ZFHX3: variants seen among roughly 807,000 people sequenced by gnomAD.
ZFHX3 encodes the protein zinc finger homeobox 3.
In ZFHX3, 42 loss-of-function variants were observed where a neutral mutation model predicts 279.1. That is an observed-to-expected ratio of 0.15 (90% confidence interval 0.12 to 0.19). The LOEUF is 0.19. ZFHX3 is among the 10% of genes least tolerant of loss of function. The probability of loss-of-function intolerance (pLI) is 1.00; values close to 1 mark genes in which losing one functional copy is unlikely to be tolerated. For missense variants in ZFHX3, 4,981 were observed against 4,754.0 expected (o/e 1.05, Z -1.40); for synonymous variants, 2,293 against 1,957.8 (o/e 1.17, Z -4.52).
intron 4 of ZFHX3, among the ~76,000 whole-genome samples, chr16:73,276,332 C>T (rs1305169015): frequency 6.6e-6 from 1 of 151,908 alleles, no homozygotes; most frequent in African/African-American, 2.4e-5. Flanking sequence ...TACAGGTGCA[C>T]ATCACCAGAC....
rs550223535 is a variant in ZFHX3 at position 73,619,541 on chromosome 16, C to G, written c.-1547+60639G>C. ...ATATGTCTGTAAGCTATCAGCATTT[C>G]TTTCAATAGCATTGCCTTTTTTGAA... On this transcript the variant is annotated intron_variant, in intron 2 of 17. Coordinates refer to the ZFHX3 transcript ENST00000641206. 4.4e-4 allele frequency among the ~76,000 whole-genome samples: 65 copies of G among 148,326 alleles called. 1 individual carries two copies. In the South Asian group the frequency reaches 0.014, roughly 31 times the overall value.
In ZFHX3 at chr16:73,532,609, A is replaced by G. The variant is rs79663616; in HGVS notation, c.-1546-76351T>C. Among the ~76,000 whole-genome samples the G allele has an allele frequency of 1.8e-3, 267 of 152,044 alleles. 7 individuals carry two copies. In the East Asian group the frequency reaches 0.047, roughly 27 times the overall value. ...CTAAGCTGCCTGAATCTGAATCCTCACTCCCCACTTACTAGGAGTGTAGCC... is the reference window on the plus strand; with the variant it reads ...CTAAGCTGCCTGAATCTGAATCCTCGCTCCCCACTTACTAGGAGTGTAGCC... On this transcript the variant is annotated intron_variant, in intron 2 of 17. Coordinates refer to the ZFHX3 transcript ENST00000641206.
At position 73,628,633 on chromosome 16, in the gene ZFHX3, T is replaced by C. The variant is rs1203584069; in HGVS notation, c.-1547+51547A>G. On this transcript the variant is annotated intron_variant, in intron 2 of 17. Coordinates refer to the ZFHX3 transcript ENST00000641206. Reference sequence around the variant, plus strand: ...CTAGATTTGACTAAATTTGTAGCTTTAGAGAGCACTTGTGTCTCTTTTAAT... The same window carrying C: ...CTAGATTTGACTAAATTTGTAGCTTCAGAGAGCACTTGTGTCTCTTTTAAT... 2.6e-5 allele frequency among the ~76,000 whole-genome samples: 4 copies of C among 152,370 alleles called. No individual in the cohort carries two copies. The East Asian group carries it at 7.7e-4, about 29-fold the overall frequency.
At chr16:73,504,830 TGGAGGTGGTA>T (rs1159863336) in intron 2 of ZFHX3, 1 of 142,354 alleles carries the variant, frequency 7.0e-6, no homozygotes, top group Non-Finnish European at 1.5e-5. Context: ...CGGTGGGGAG[TGGAGGTGGTA>T]GGGGAAGAGG....
chr16:72,885,264 A>C (rs1278444671), intron 4 of ZFHX3, among the ~76,000 whole-genome samples: 5 of 152,262 alleles, frequency 3.3e-5, no homozygotes, highest in Non-Finnish European at 7.3e-5. Flanking sequence ...AACTATTAGC[A>C]CACAGCTGGC....
intron 7 of ZFHX3, among the ~76,000 whole-genome samples, chr16:72,800,769 CT>C (rs2036074761): frequency 6.6e-6 from 1 of 152,216 alleles, no homozygotes; most frequent in Non-Finnish European, 1.5e-5. Context: ...GCCACGATTT[CT>C]TCTGGAGTCT....
At chr16:73,092,373 C>G (rs910923831) in intron 8 of ZFHX3, 1 of 152,586 alleles carries the variant, frequency 6.6e-6, no homozygotes, top group African/African-American at 2.4e-5. Flanking sequence ...CTGGTGAGGC[C>G]CAGAGCCTCA....
chr16:73,019,916 T>TA (rs961491688), intron 1 of ZFHX3, among the ~76,000 whole-genome samples: 2 of 152,180 alleles, frequency 1.3e-5, no homozygotes, highest in African/African-American at 4.8e-5. Context: ...AACACGTTTT[T>TA]AAAAAATGTC....
At chr16:72,915,028 G>A (rs758283668) in intron 3 of ZFHX3, among the ~76,000 whole-genome samples, 1 of 151,984 alleles carries the variant, frequency 6.6e-6, no homozygotes, top group African/African-American at 2.4e-5. Flanking sequence ...AAAACACATA[G>A]GCTAACAAGT....
chr16:73,193,748 T>C (rs1030063626), intron 5 of ZFHX3, among the ~76,000 whole-genome samples: 2 of 152,178 alleles, frequency 1.3e-5, no homozygotes, highest in Admixed American at 1.3e-4. Flanking sequence ...ATTCTAACTC[T>C]GCCACTTTCC....
chr16:73,615,538 T>C (rs1337734945), intron 2 of ZFHX3, among the ~76,000 whole-genome samples: 2 of 152,238 alleles, frequency 1.3e-5, no homozygotes, highest in Non-Finnish European at 2.9e-5. Context: ...CCAGTGCAGC[T>C]GTGCACTGAA....
At position 72,787,500 on chromosome 16, in the gene ZFHX3, G is replaced by A. The variant is rs757719126; in HGVS notation, c.10776C>T (p.His3592=). The A allele has an allele frequency of 1.2e-6, 2 of 1,613,838 alleles. No homozygotes were observed. The highest frequency in any genetic ancestry group is 4.5e-5 in the East Asian group (2 of 44,862). ...STASTSQSAA[H]SNDSPPPPSA... ...ACGGGGGAGGGGGGCTGTCGTTTGA[G>A]TGAGCGGCAGACTGCGAGGTAGATG... Residue 3592 remains histidine, a synonymous_variant, in exon 10 of 10, where the codon CAC becomes CAT. Transcript: ENST00000268489.
At chr16:73,575,168 T>C (rs2051786831) in intron 2 of ZFHX3, among the ~76,000 whole-genome samples, 1 of 152,228 alleles carries the variant, frequency 6.6e-6, no homozygotes, top group Non-Finnish European at 1.5e-5. Context: ...TAACATATTA[T>C]GCATTAAATT....
intron 5 of ZFHX3, among the ~76,000 whole-genome samples, chr16:73,198,369 C>T (rs988465504): frequency 6.7e-6 from 1 of 149,626 alleles, no homozygotes; most frequent in Admixed American, 6.6e-5. Flanking sequence ...GAAGTTTAAC[C>T]CCATTGCTGG....
intron 4 of ZFHX3, among the ~76,000 whole-genome samples, chr16:72,833,879 G>T (rs776270901): frequency 1.3e-5 from 2 of 152,106 alleles, no homozygotes; most frequent in Non-Finnish European, 2.9e-5. Flanking sequence ...AGCAAATACT[G>T]GAAAACTGCA....
At chr16:73,116,033 T>C (rs1966428802) in intron 7 of ZFHX3, among the ~76,000 whole-genome samples, 1 of 151,490 alleles carries the variant, frequency 6.6e-6, no homozygotes, top group African/African-American at 2.4e-5. Context: ...GGCAGGGGAA[T>C]CACTTGAACC....
chr16:73,122,607 T>C (rs1966513648), intron 7 of ZFHX3, among the ~76,000 whole-genome samples: 1 of 152,152 alleles, frequency 6.6e-6, no homozygotes, highest in Non-Finnish European at 1.5e-5. Context: ...AGTGACCAAC[T>C]TGGGGGGCCA....
At chr16:72,882,172 C>CT (rs11298791) in intron 4 of ZFHX3, among the ~76,000 whole-genome samples, 1,742 of 103,778 alleles carry the variant, frequency 0.017, 20 homozygotes, top group Middle Eastern at 0.044. Flanking sequence ...CCCCTTTTTC[C>CT]TTTTTTTTTT....
rs531378750 is a variant in ZFHX3, at chr16:73,868,111, G to A, written c.-1608+23540C>T. Reference sequence around the variant, plus strand: ...CTTCTTTTCCTCCCAATAAATCCCCGTTCGTTAAATAGCCCAGAGTTCATT... The same window carrying A: ...CTTCTTTTCCTCCCAATAAATCCCCATTCGTTAAATAGCCCAGAGTTCATT... On this transcript the variant is annotated intron_variant, in intron 1 of 17. Transcript: ENST00000641206. 2.0e-3 allele frequency among the ~76,000 whole-genome samples: 305 copies of A among 152,140 alleles called. 1 individual carries two copies. Among genetic ancestry groups the A allele is most frequent in the Non-Finnish European group, 3.1e-3 (213 of 68,006 alleles).
Sources: allele counts gnomAD v4.1 joint callset (sites outside exome capture counted in the v4.1 genomes callset), GRCh38; gene constraint gnomAD v4.1.1; transcripts MANE v1.5; gene names NCBI Gene and HGNC (gene_info 2026-07-23, HGNC 2026-07-21).